The following TSPAN17 variants were observed in gnomAD, a reference collection of about 807,000 sequenced individuals.
The protein encoded by TSPAN17 is tetraspanin-17.
A neutral mutation model predicts 40.5 loss-of-function variants in TSPAN17; 33 were observed. The observed-to-expected ratio is 0.81, with a 90% CI of 0.62 to 1.09. The LOEUF (loss-of-function observed/expected upper bound fraction) is 1.09, where lower values mean the gene tolerates loss of function less well. TSPAN17 is among the 50% of genes least tolerant of loss of function. TSPAN17 has a pLI of 0.00. For missense variants in TSPAN17, 365 were observed against 416.8 expected, an observed-to-expected ratio of 0.88 and a Z score of 1.08; for synonymous variants, 166 against 169.4, an observed-to-expected ratio of 0.98 and a Z score of 0.15.
rs1760927844 is a variant in TSPAN17 at position 176,650,505 on chromosome 5, G to A, written c.88-1111G>A. 6.6e-6 allele frequency among the ~76,000 whole-genome samples: 1 copy of A among 152,186 alleles called. No individual in the cohort carries two copies. Among genetic ancestry groups the A allele is most frequent in the Admixed American group, 6.5e-5 (1 of 15,284 alleles). On this transcript the variant is annotated intron_variant, in intron 1 of 8. Transcript: ENST00000508164. This position sits in a 1 kb window ranked among gnomAD's most constrained non-coding sequence, Gnocchi z 4.0. ...GAATGGGGTTGAGTTAACTGAGGTG[G>A]GGTTCAGGAAGGAGAAAGTGGCACT... is the stretch of plus-strand genomic sequence containing the variant.
At chr5:176,656,841 C>G (rs758395604) in intron 7 of TSPAN17, 25 bp downstream of exon 7, 7 of 1,614,174 alleles carry the variant, frequency 4.3e-6, no homozygotes, top group Middle Eastern at 1.6e-4. Flanking sequence ...CCACGTGCCC[C>G]TCCCCTTGCC....
Position 176,650,172 on chromosome 5 carries a change from G to A in TSPAN17, c.88-1444G>A, listed in dbSNP as rs1165455137. On this transcript the variant is annotated intron_variant, in intron 1 of 8. Transcript: ENST00000508164. The surrounding 1 kb of genome is among the most constrained non-coding windows in gnomAD (Gnocchi z 4.0). ...GTGGAGGTGTTTGCTGCAGGCGGGT[G>A]GACGTAGGGGTGTGGGACCAGCATG... Among the ~76,000 whole-genome samples the A allele has an allele frequency of 6.6e-6, 1 of 152,168 alleles. No homozygotes were observed. The highest frequency in any genetic ancestry group is 1.5e-5 in the Non-Finnish European group (1 of 68,014).
Position 176,652,923 on chromosome 5 carries a change from G to A in TSPAN17, c.456+10G>A. On this transcript the variant is annotated intron_variant, in intron 4 of 8. Coordinates refer to ENST00000508164, the MANE Select transcript of TSPAN17 (RefSeq NM_130465.5). ...CTTTGCTCAGGAATACGTGAGTCCA[G>A]TGTCCAGCCTGGGACACCTGTAGGA... 6.2e-7 allele frequency: 1 copy of A among 1,613,974 alleles called. No homozygotes were observed. The highest frequency in any genetic ancestry group is 8.5e-7 in the Non-Finnish European group (1 of 1,179,848).
intron 1 of TSPAN17, among the ~76,000 whole-genome samples, chr5:176,648,002 T>C (rs1760810915): frequency 6.6e-6 from 1 of 152,150 alleles, no homozygotes; most frequent in Non-Finnish European, 1.5e-5. Flanking sequence ...AGGGGCGTGC[T>C]AGGTGCAGGT....
intron 1 of TSPAN17, among the ~76,000 whole-genome samples, chr5:176,649,501 C>T (rs1225749449): frequency 6.6e-6 from 1 of 151,274 alleles, no homozygotes; most frequent in Non-Finnish European, 1.5e-5. Context: ...GATCTCGGTT[C>T]ACTGCAACCT....
intron 1 of TSPAN17, among the ~76,000 whole-genome samples, chr5:176,648,393 C>T (rs57117264): frequency 0.22 from 33,237 of 150,664 alleles, 4,033 homozygotes; most frequent in East Asian, 0.46. Context: ...CTGCCCCTAC[C>T]GGGGAAGGGA....
At chr5:176,656,031 A>C (rs750804476) in intron 5 of TSPAN17, 47 bp from the exon 6 acceptor site, 2 of 1,585,536 alleles carry the variant, frequency 1.3e-6, no homozygotes, top group East Asian at 2.2e-5. Context: ...CATGGACCCC[A>C]TGGGATGCGT....
rs1287371287 is a variant in TSPAN17 at position 176,657,654 on chromosome 5, G to C, written c.946G>C (p.Gly316Arg). ...CCCACCCAGCCGACATGTTTTCTTT[G>C]GCCTGGGTGGTTTATACCCTGAGCC... ...PAPPSRHVFF[G>R]LGGLYPEPTF... The change falls in exon 9 of 9, where the codon GGC becomes CGC. Residue 316 changes from glycine to arginine, a missense_variant. Coordinates refer to ENST00000508164, the MANE Select transcript of TSPAN17 (RefSeq NM_130465.5). The C allele has an allele frequency of 6.2e-7, 1 of 1,608,018 alleles. No individual in the cohort carries two copies. Among genetic ancestry groups the C allele is most frequent in the Non-Finnish European group, 8.5e-7 (1 of 1,178,460 alleles).
At position 176,651,566 on chromosome 5, in the gene TSPAN17, G is replaced by A. The variant is rs761993511; in HGVS notation, c.88-50G>A. ...GCTACCGGGGAAGGATGAGGGGGGA[G>A]GGTCCTGGGGCTGCTCCCAGCCCTG... On this transcript the variant is annotated intron_variant, in intron 1 of 8. Transcript: ENST00000508164. The surrounding 1 kb of genome is among the most constrained non-coding windows in gnomAD (Gnocchi z 4.5). 23 of 1,563,414 alleles carry A rather than the reference G, an allele frequency of 1.5e-5. No individual in the cohort carries two copies. The highest frequency in any genetic ancestry group is 1.8e-5 in the Non-Finnish European group (21 of 1,152,926).
At chr5:176,656,616 G>A in intron 6 of TSPAN17, 84 bp from the exon 7 acceptor site, 8 of 1,368,746 alleles carry the variant, frequency 5.8e-6, no homozygotes, top group Non-Finnish European at 8.3e-6. Flanking sequence ...TAGACCCTGG[G>A]GTGGGCGTGA....
intron 4 of TSPAN17, 82 bp downstream of exon 4, chr5:176,652,995 G>A: frequency 6.8e-7 from 1 of 1,478,168 alleles, no homozygotes; most frequent in Non-Finnish European, 9.4e-7. Flanking sequence ...CCTGTGATGG[G>A]ACCATCTCCT....
chr5:176,657,914 C>T lies in TSPAN17; in HGVS notation c.*216C>T, dbSNP rs1263901183. The stretch of plus-strand genomic sequence containing the variant: ...TATTCCCTGCACCTCGAGGCCGCTG[C>T]GGGCCAATCTGGAGTGAAACACGGG... On this transcript the variant is annotated 3_prime_UTR_variant, in exon 9 of 9. Coordinates refer to ENST00000508164, the MANE Select transcript of TSPAN17 (RefSeq NM_130465.5). 2.7e-5 allele frequency: 21 copies of T among 775,586 alleles called. No homozygotes were observed. The highest frequency in any genetic ancestry group is 6.9e-5 in the East Asian group (2 of 28,820). 48.0% of individuals were successfully genotyped at this position (775,586 alleles called of 1,614,324 possible).
Position 176,654,092 on chromosome 5 carries a change from G to C in TSPAN17, c.457-803G>C, listed in dbSNP as rs1031502525. 2.0e-5 allele frequency: 3 copies of C among 152,374 alleles called. No homozygotes were observed. Among genetic ancestry groups the C allele is most frequent in the African/African-American group, 7.2e-5 (3 of 41,448 alleles). The allele number at this position is 152,374 out of a possible 1,614,324, so 9.4% of individuals were successfully genotyped here. Reference sequence around the variant, plus strand: ...AGAGAAGGGAGAGTGTTCTGTAGCAGGAGCAGCTGGCGCTGAGCAGGTGCC... The same window carrying C: ...AGAGAAGGGAGAGTGTTCTGTAGCACGAGCAGCTGGCGCTGAGCAGGTGCC... On this transcript the variant is annotated intron_variant, in intron 4 of 8. Transcript: ENST00000508164. The surrounding 1 kb of genome is among the most constrained non-coding windows in gnomAD (Gnocchi z 4.3).
intron 6 of TSPAN17, 90 bp downstream of exon 6, chr5:176,656,215 G>C: frequency 7.2e-7 from 1 of 1,379,814 alleles, no homozygotes. Context: ...GAAGGCCTCA[G>C]GGATTCTTTG....
intron 1 of TSPAN17, 131 bp downstream of exon 1, chr5:176,647,833 A>G: frequency 1.2e-6 from 1 of 837,420 alleles, no homozygotes; most frequent in Non-Finnish European, 1.8e-6. Flanking sequence ...CTTCTGCCAC[A>G]CCCACGCCCA....
Position 176,654,663 on chromosome 5 carries a change from C to G in TSPAN17, c.457-232C>G. 1 of 530,356 alleles carries G rather than the reference C, an allele frequency of 1.9e-6. No individual in the cohort carries two copies. Among genetic ancestry groups the G allele is most frequent in the Non-Finnish European group, 3.4e-6 (1 of 297,450 alleles). The allele number at this position is 530,356 out of a possible 1,614,324, so 32.9% of individuals were successfully genotyped here. A position where few individuals can be genotyped will look rare whatever the true frequency, so the allele number is the denominator to read the frequency against. On this transcript the variant is annotated intron_variant, in intron 4 of 8. Transcript: ENST00000508164. The surrounding 1 kb of genome is among the most constrained non-coding windows in gnomAD (Gnocchi z 4.3). ...GTCCCACTCCCTCCCTTTTTCTAGC[C>G]TCTCTTGGGTCGGGGAAGGGGGAGC...
In TSPAN17 at chr5:176,651,822, A is replaced by T; in HGVS notation, c.207A>T (p.Val69=). The part of the protein sequence containing the change: ...GGLDPVWLFV[V]VGGVMSVLGF... ...TTGACCCCGTGTGGCTGTTTGTGGT[A>T]GTTGGAGGCGTCATGTCGGTGCTGG... Residue 69 remains valine (V), a synonymous_variant, in exon 3 of 9, where the codon GTA becomes GTT. Transcript: ENST00000508164. This position sits in a 1 kb window ranked among gnomAD's most constrained non-coding sequence, Gnocchi z 4.5. 6.2e-7 allele frequency: 1 copy of T among 1,614,102 alleles called. No individual in the cohort carries two copies.
At chr5:176,656,241 G>C (rs921100232) in intron 6 of TSPAN17, 116 bp downstream of exon 6, 2 of 1,163,596 alleles carry the variant, frequency 1.7e-6, no homozygotes, top group Non-Finnish European at 2.5e-6. Context: ...AGGGTGCTGA[G>C]TCCCAGGAAC....
Position 176,651,810 on chromosome 5 carries a change from G to A in TSPAN17, c.195G>A (p.Trp65Ter), listed in dbSNP as rs370842804. ...ATCTGGGAGGCCTTGACCCCGTGTG[G>A]CTGTTTGTGGTAGTTGGAGGCGTCA... is the stretch of plus-strand genomic sequence containing the variant. ...LTDLGGLDPV[W>*]LFVVVGGVMS... Residue 65 changes from tryptophan (W) to a stop codon, truncating the protein, a stop_gained, in exon 3 of 9, where the codon TGG becomes TGA. Transcript: ENST00000508164. LOFTEE classifies it high-confidence loss of function. The surrounding 1 kb of genome is among the most constrained non-coding windows in gnomAD (Gnocchi z 4.5). The A allele has an allele frequency of 3.1e-6, 5 of 1,614,036 alleles. No homozygotes were observed. The highest frequency in any genetic ancestry group is 2.7e-5 in the African/African-American group (2 of 74,908).
Sources: allele counts gnomAD v4.1 joint callset (sites outside exome capture counted in the v4.1 genomes callset), GRCh38; gene constraint gnomAD v4.1.1; non-coding constraint Gnocchi (gnomAD v3.1); transcripts MANE v1.5; gene names NCBI Gene and HGNC (gene_info 2026-07-23, HGNC 2026-07-21).